PRKCI: variants seen among roughly 807,000 people sequenced by gnomAD.
PRKCI encodes the protein protein kinase C iota.
In PRKCI, 43 loss-of-function variants were observed where a neutral mutation model predicts 84.0. The ratio of observed to expected loss-of-function variants is 0.51; its 90% CI spans 0.40 to 0.66. PRKCI has a LOEUF of 0.66. Ranked by LOEUF, PRKCI falls within the 30% of genes least tolerant of loss-of-function variation. The probability of loss-of-function intolerance (pLI) is 0.00; values close to 1 mark genes in which losing one functional copy is unlikely to be tolerated. For missense variants in PRKCI, 459 were observed against 745.6 expected (o/e 0.62, Z 4.48); for synonymous variants, 216 against 234.4 (o/e 0.92, Z 0.72).
intron 11 of PRKCI, among the ~76,000 whole-genome samples, chr3:170,284,033 C>A (rs1734315626): frequency 6.6e-6 from 1 of 151,810 alleles, no homozygotes; most frequent in Admixed American, 6.6e-5. Flanking sequence ...TTGTAGTATT[C>A]TTTCTATTCT....
intron 2 of PRKCI, among the ~76,000 whole-genome samples, chr3:170,248,328 T>G (rs1182772494): frequency 6.6e-6 from 1 of 151,638 alleles, no homozygotes; most frequent in Non-Finnish European, 1.5e-5. Flanking sequence ...TTTTTGTAGG[T>G]AAAGAACAAC....
rs186380297 is a variant in PRKCI, at chr3:170,242,821, C to T, written c.223+7470C>T. ...GAGTAGCTGGGATTACAGACACCTG[C>T]CACCATGCCCGGCTAATTTTTGTAT... is the stretch of plus-strand genomic sequence containing the variant. On this transcript the variant is annotated intron_variant, in intron 2 of 17. Coordinates refer to ENST00000295797, the MANE Select transcript of PRKCI (RefSeq NM_002740.6). Among the ~76,000 whole-genome samples the T allele has an allele frequency of 2.1e-3, 317 of 152,010 alleles. 3 individuals carry two copies. The highest frequency in any genetic ancestry group is 7.4e-3 in the African/African-American group (308 of 41,454).
chr3:170,273,955 G>A (rs1042764629), intron 7 of PRKCI, among the ~76,000 whole-genome samples: 2 of 151,190 alleles, frequency 1.3e-5, no homozygotes, highest in Non-Finnish European at 2.9e-5. Flanking sequence ...AACACAGGGA[G>A]ACTCTGTCTC....
intron 8 of PRKCI, among the ~76,000 whole-genome samples, chr3:170,279,880 C>A (rs940603048): frequency 6.6e-6 from 1 of 152,178 alleles, no homozygotes; most frequent in African/African-American, 2.4e-5. Flanking sequence ...CAGTGGTACC[C>A]CCAATCTCTT....
chr3:170,274,478 A>G (rs1365386595), intron 7 of PRKCI, among the ~76,000 whole-genome samples: 1 of 152,184 alleles, frequency 6.6e-6, no homozygotes, highest in Non-Finnish European at 1.5e-5. Flanking sequence ...AGAAGTAGAA[A>G]TTATGTGAAA....
intron 1 of PRKCI, among the ~76,000 whole-genome samples, chr3:170,228,832 A>G (rs753866894): frequency 2.0e-5 from 3 of 152,122 alleles, no homozygotes; most frequent in Admixed American, 6.5e-5. Flanking sequence ...AGTAAAACCC[A>G]GAAAATTACC....
At position 170,291,960 on chromosome 3, in the gene PRKCI, G is replaced by GTAT. The variant is rs768176342; in HGVS notation, c.1291+24_1291+26dup. 1.3e-6 allele frequency: 2 copies of GTAT among 1,539,434 alleles called. No homozygotes were observed. Among genetic ancestry groups the GTAT allele is most frequent in the Admixed American group, 3.3e-5 (2 of 59,834 alleles). ...GATTATGGTAATAAATAAATTGGTG[G>GTAT]TATTATTTTAGCTATTGCTAGATGG... is the stretch of plus-strand genomic sequence containing the variant. On this transcript the variant is annotated intron_variant, in intron 13 of 17. Coordinates refer to ENST00000295797, the MANE Select transcript of PRKCI (RefSeq NM_002740.6).
intron 1 of PRKCI, among the ~76,000 whole-genome samples, chr3:170,230,576 C>G (rs561416132): frequency 6.6e-6 from 1 of 152,198 alleles, no homozygotes; most frequent in African/African-American, 2.4e-5. Context: ...GTGATTCACC[C>G]GCTGTGGCCT....
chr3:170,288,089 CAAA>C (rs1331951570), intron 12 of PRKCI, among the ~76,000 whole-genome samples: 2 of 151,246 alleles, frequency 1.3e-5, no homozygotes, highest in African/African-American at 4.9e-5. Context: ...ACTAAAAATA[CAAA>C]AAAATTAGCC....
intron 12 of PRKCI, among the ~76,000 whole-genome samples, chr3:170,285,705 T>G (rs1350256439): frequency 6.6e-6 from 1 of 152,114 alleles, no homozygotes; most frequent in Non-Finnish European, 1.5e-5. Context: ...ATGTACAGAA[T>G]TCAACCGTAC....
At chr3:170,292,014 C>T (rs759828738) in intron 13 of PRKCI, 73 bp downstream of exon 13, 6 of 1,002,064 alleles carry the variant, frequency 6.0e-6, no homozygotes, top group Non-Finnish European at 9.5e-6. Flanking sequence ...AATTGCATTA[C>T]AGTACACTAA....
At chr3:170,275,652 A>G (rs529615661) in intron 8 of PRKCI, among the ~76,000 whole-genome samples, 1 of 152,144 alleles carries the variant, frequency 6.6e-6, no homozygotes, top group African/African-American at 2.4e-5. Flanking sequence ...ATTAACTGTC[A>G]TTGTTTTTTT....
intron 2 of PRKCI, among the ~76,000 whole-genome samples, chr3:170,236,617 C>CT (rs1341159971): frequency 6.6e-6 from 1 of 152,070 alleles, no homozygotes; most frequent in Non-Finnish European, 1.5e-5. Flanking sequence ...AATCCCAGCA[C>CT]TTTAGAGTCT....
intron 2 of PRKCI, among the ~76,000 whole-genome samples, chr3:170,244,456 C>T (rs1019514832): frequency 7.2e-5 from 11 of 152,248 alleles, no homozygotes; most frequent in Non-Finnish European, 1.0e-4. Context: ...CATCTGGACC[C>T]GGCTTGGAAG....
chr3:170,265,911 G>A (rs753040475), intron 4 of PRKCI, among the ~76,000 whole-genome samples: 3 of 152,116 alleles, frequency 2.0e-5, no homozygotes, highest in South Asian at 2.1e-4. Context: ...GTGAGCCACC[G>A]CGCCCGGCCT....
chr3:170,269,923 A>C (rs1577360900), intron 5 of PRKCI, among the ~76,000 whole-genome samples: 2 of 151,974 alleles, frequency 1.3e-5, no homozygotes, highest in Non-Finnish European at 2.9e-5. Context: ...GTGCCATTGC[A>C]TTCCAGCCTG....
Position 170,294,975 on chromosome 3 carries a change from C to T in PRKCI, c.1418-936C>T, listed in dbSNP as rs113653687. ...CTGTAATCCCAGCACTTTGGGAGGC[C>T]GAGATGGGCGGATCACTTGAGGTTA... is the stretch of plus-strand genomic sequence containing the variant. On this transcript the variant is annotated intron_variant, in intron 14 of 17. Transcript: ENST00000295797. 3.6e-3 allele frequency among the ~76,000 whole-genome samples: 542 copies of T among 150,936 alleles called. 5 individuals carry two copies. Among genetic ancestry groups the T allele is most frequent in the African/African-American group, 0.013 (520 of 41,118 alleles).
chr3:170,267,596 C>G (rs554089770), intron 4 of PRKCI, among the ~76,000 whole-genome samples: 1 of 150,178 alleles, frequency 6.7e-6, no homozygotes, highest in African/African-American at 2.5e-5. Flanking sequence ...TCACTTGAAC[C>G]CGGGAGGTGG....
chr3:170,281,521 T>TATCCC, intron 10 of PRKCI: 2 of 416,256 alleles, frequency 4.8e-6, no homozygotes, highest in East Asian at 3.8e-5. Context: ...ACCTTTTAAA[T>TATCCC]ATCCCCAGTA....
Sources: allele counts gnomAD v4.1 joint callset (sites outside exome capture counted in the v4.1 genomes callset), GRCh38; gene constraint gnomAD v4.1.1; transcripts MANE v1.5; gene names NCBI Gene and HGNC (gene_info 2026-07-23, HGNC 2026-07-21).